CABP1: variants seen among roughly 807,000 people sequenced by gnomAD.
The protein encoded by CABP1 is calcium binding protein 1, also known as calcium-binding protein 1.
In CABP1, 17 loss-of-function variants were observed where a neutral mutation model predicts 34.3. The observed-to-expected ratio is 0.50, with a 90% CI of 0.34 to 0.74. The LOEUF (loss-of-function observed/expected upper bound fraction) is 0.74. Among genes scored for constraint, CABP1 ranks in the 30% least tolerant of loss-of-function variants. The pLI, the probability that CABP1 is intolerant of heterozygous loss-of-function variation, is 0.01. For synonymous variants in CABP1, 198 were observed against 229.2 expected, an observed-to-expected ratio of 0.86 and a Z score of 1.23; for missense variants, 373 against 511.1, an observed-to-expected ratio of 0.73 and a Z score of 2.61.
At chr12:120,655,748 A>G in intron 1 of CABP1, 1 of 1,468,606 alleles carries the variant, frequency 6.8e-7, no homozygotes, top group Non-Finnish European at 9.0e-7. Context: ...CATTGGTGAG[A>G]ATAGAAGCCC....
At chr12:120,665,494 A>T (rs1880912100) in intron 5 of CABP1, among the ~76,000 whole-genome samples, 1 of 152,186 alleles carries the variant, frequency 6.6e-6, no homozygotes, top group Admixed American at 6.5e-5. Context: ...ATGTCATTAT[A>T]CATTTGTCTG....
chr12:120,650,912 G>A (rs192595135), intron 1 of CABP1, among the ~76,000 whole-genome samples: 58 of 152,256 alleles, frequency 3.8e-4, no homozygotes, highest in African/African-American at 1.4e-3. Flanking sequence ...TTTGCACAAG[G>A]CTTAGGAAAG....
chr12:120,664,538 C>G (rs755708629), intron 5 of CABP1, among the ~76,000 whole-genome samples: 1 of 152,032 alleles, frequency 6.6e-6, no homozygotes, highest in Non-Finnish European at 1.5e-5. Context: ...GATAAATAAA[C>G]GGGGGCACAT....
At chr12:120,671,042 C>A (rs1881234554), downstream of CABP1, among the ~76,000 whole-genome samples, 1 of 152,050 alleles carries the variant, frequency 6.6e-6, no homozygotes, top group Non-Finnish European at 1.5e-5. Context: ...TAAAAGGCAC[C>A]CGATTCAATC....
Position 120,660,891 on chromosome 12 carries a change from C to A in CABP1, c.939+51C>A. 6.9e-7 allele frequency: 1 copy of A among 1,439,146 alleles called. No individual in the cohort carries two copies. The highest frequency in any genetic ancestry group is 9.8e-7 in the Non-Finnish European group (1 of 1,021,486). 89.1% of individuals were successfully genotyped at this position (1,439,146 alleles called of 1,614,324 possible). ...GGGGCGGCTATTGGAATCCTATCTGCAGTATAAATACTTCAAAAGAAGCCT... is the reference window on the plus strand; with the variant it reads ...GGGGCGGCTATTGGAATCCTATCTGAAGTATAAATACTTCAAAAGAAGCCT... On this transcript the variant is annotated intron_variant, in intron 4 of 5. Transcript: ENST00000316803. The surrounding 1 kb of genome is among the most constrained non-coding windows in gnomAD (Gnocchi z 5.0).
At chr12:120,650,513 T>C (rs2033343507) in intron 1 of CABP1, 1 of 1,577,376 alleles carries the variant, frequency 6.3e-7, no homozygotes, top group African/African-American at 1.4e-5. Flanking sequence ...ACATCCGTCC[T>C]GGAGGAAGAA....
At chr12:120,644,714 A>T (rs140837908) in intron 1 of CABP1, among the ~76,000 whole-genome samples, 2 of 152,200 alleles carry the variant, frequency 1.3e-5, no homozygotes, top group Non-Finnish European at 2.9e-5. Context: ...TGCTTTGCAC[A>T]TAGCAGGATC....
At chr12:120,675,766 T>C in the CABP1 span, among the ~76,000 whole-genome samples, 2 of 152,174 alleles carry the variant, frequency 1.3e-5, no homozygotes, top group African/African-American at 4.8e-5. Context: ...CAGTGTCTAG[T>C]AGGCACTTAG....
At chr12:120,658,270 G>A (rs1421377577) in intron 1 of CABP1, among the ~76,000 whole-genome samples, 1 of 151,842 alleles carries the variant, frequency 6.6e-6, no homozygotes. Context: ...ACTAAAACAA[G>A]GTTTTTTGGT....
chr12:120,656,540 A>C (rs1006991741), intron 1 of CABP1, among the ~76,000 whole-genome samples: 2 of 152,196 alleles, frequency 1.3e-5, no homozygotes, highest in African/African-American at 4.8e-5. Context: ...GGATTGCCTC[A>C]TTTAAGCCTC....
chr12:120,667,767 C>T (rs1166905498), downstream of CABP1, among the ~76,000 whole-genome samples: 1 of 152,162 alleles, frequency 6.6e-6, no homozygotes, highest in Non-Finnish European at 1.5e-5. Context: ...GGATTCCAGG[C>T]GTGAGTCTCC....
At chr12:120,662,809 C>T (rs866329282) in intron 5 of CABP1, among the ~76,000 whole-genome samples, 9 of 151,846 alleles carry the variant, frequency 5.9e-5, no homozygotes, top group Admixed American at 1.3e-4. Flanking sequence ...CTCAGCCTCC[C>T]GAATAGCTGG....
intron 1 of CABP1, chr12:120,650,483 A>C: frequency 4.8e-5 from 70 of 1,463,200 alleles, no homozygotes; most frequent in Middle Eastern, 2.6e-4. Flanking sequence ...GTAAGAGAGC[A>C]CGCGCGCAAG....
chr12:120,666,221 A>AG, intron 5 of CABP1, among the ~76,000 whole-genome samples: 1 of 147,310 alleles, frequency 6.8e-6, no homozygotes, highest in East Asian at 2.0e-4. Context: ...AAAAAAAAAA[A>AG]GGAAGAAGAA....
intron 1 of CABP1, chr12:120,650,057 G>A (rs989773755): frequency 3.1e-4 from 48 of 152,688 alleles, no homozygotes; most frequent in Middle Eastern, 3.4e-3. Flanking sequence ...GTGTGCGCGC[G>A]CGCACACACA....
At chr12:120,665,078 G>A (rs1245683137) in intron 5 of CABP1, among the ~76,000 whole-genome samples, 4 of 152,008 alleles carry the variant, frequency 2.6e-5, no homozygotes, top group African/African-American at 4.8e-5. Context: ...GGGGTTGGGG[G>A]GAGGGAGGGA....
chr12:120,648,872 C>T (rs1879670827), intron 1 of CABP1, among the ~76,000 whole-genome samples: 2 of 144,962 alleles, frequency 1.4e-5, no homozygotes, highest in South Asian at 4.4e-4. Context: ...CAGAGCAAGA[C>T]ACTGTCTAAA....
In CABP1 at chr12:120,661,312, C is replaced by T. The variant is rs1414951307; in HGVS notation, c.1087+94C>T. The T allele has an allele frequency of 1.5e-5, 22 of 1,440,342 alleles. No homozygotes were observed. The highest frequency in any genetic ancestry group is 1.9e-5 in the Non-Finnish European group (20 of 1,071,770). The allele number at this position is 1,440,342 out of a possible 1,614,324, so 89.2% of individuals were successfully genotyped here. A position where few individuals can be genotyped will look rare whatever the true frequency, so the allele number is the denominator to read the frequency against. On this transcript the variant is annotated intron_variant, in intron 5 of 5. Coordinates refer to ENST00000316803, the MANE Select transcript of CABP1 (RefSeq NM_001033677.2). This position sits in a 1 kb window ranked among gnomAD's most constrained non-coding sequence, Gnocchi z 5.1. ...TATCCATCATGCAACCATCAATCCG[C>T]CCTAATTTTCCAACCCCCAGCCCTT...
At chr12:120,676,777 C>T in the CABP1 span, among the ~76,000 whole-genome samples, 2 of 152,296 alleles carry the variant, frequency 1.3e-5, no homozygotes, top group South Asian at 2.1e-4. Flanking sequence ...TATTCACCAT[C>T]TCACTCTGTC....
Sources: gnomAD v4.1 joint callset for allele counts (sites outside exome capture counted in the v4.1 genomes callset) on GRCh38, gnomAD v4.1.1 for gene constraint, Gnocchi (gnomAD v3.1) non-coding constraint, MANE v1.5 for transcripts, NCBI Gene and HGNC (gene_info 2026-07-23, HGNC 2026-07-21) for gene names.